Variants in MACROD2 observed in about 807,000 individuals in gnomAD.
The protein encoded by MACROD2 is mono-ADP ribosylhydrolase 2.
MACROD2 carries 36 observed loss-of-function variants against 70.4 expected under a neutral mutation model. That is an observed-to-expected ratio of 0.51 (90% CI 0.39 to 0.68). MACROD2 has a LOEUF of 0.68. Ranked by LOEUF, MACROD2 falls within the 30% of genes least tolerant of loss-of-function variation. The pLI, the probability that MACROD2 is intolerant of heterozygous loss-of-function variation, is 0.00. For synonymous variants in MACROD2, 172 were observed against 178.8 expected, an observed-to-expected ratio of 0.96 and a Z score of 0.30; for missense variants, 496 against 538.4, an observed-to-expected ratio of 0.92 and a Z score of 0.78.
chr20:14,479,840 TAAC>T (rs1239740970), intron 3 of MACROD2, among the ~76,000 whole-genome samples: 1 of 152,170 alleles, frequency 6.6e-6, no homozygotes, highest in Non-Finnish European at 1.5e-5. Flanking sequence ...ATTATAAAAA[TAAC>T]AACATATACT....
intron 10 of MACROD2, among the ~76,000 whole-genome samples, chr20:15,900,753 C>T (rs986162464): frequency 9.9e-5 from 15 of 152,086 alleles, no homozygotes; most frequent in African/African-American, 3.6e-4. Flanking sequence ...ATATATGGAC[C>T]CTCATACCCA....
At chr20:15,064,957 A>G (rs2075562215) in intron 5 of MACROD2, among the ~76,000 whole-genome samples, 1 of 152,204 alleles carries the variant, frequency 6.6e-6, no homozygotes, top group Admixed American at 6.5e-5. Flanking sequence ...CATATCACAT[A>G]AAGTTAAGTG....
At chr20:14,596,824 C>T (rs558017283) in intron 4 of MACROD2, among the ~76,000 whole-genome samples, 10 of 152,162 alleles carry the variant, frequency 6.6e-5, no homozygotes, top group African/African-American at 2.4e-4. Context: ...ATTGTTTTGC[C>T]TTAAGAATCA....
intron 5 of MACROD2, among the ~76,000 whole-genome samples, chr20:15,099,309 G>A (rs1275081980): frequency 6.6e-6 from 1 of 152,184 alleles, no homozygotes; most frequent in African/African-American, 2.4e-5. Context: ...GTTTAGCTGA[G>A]GTTGTGAGGA....
intron 8 of MACROD2, among the ~76,000 whole-genome samples, chr20:15,566,498 C>CA (rs60445779): frequency 0.011 from 1,526 of 138,128 alleles, 16 homozygotes; most frequent in South Asian, 0.064. Flanking sequence ...ACTCTGTCTC[C>CA]AAAAAAAAAA....
chr20:15,194,367 G>A (rs1418171428), intron 5 of MACROD2, among the ~76,000 whole-genome samples: 2 of 148,630 alleles, frequency 1.3e-5, no homozygotes, highest in African/African-American at 4.9e-5. Flanking sequence ...TATTAGTGTT[G>A]TTATGGATGA....
At chr20:15,433,459 C>A (rs914028384) in intron 7 of MACROD2, among the ~76,000 whole-genome samples, 337 of 88,102 alleles carry the variant, frequency 3.8e-3, no homozygotes, top group Non-Finnish European at 3.9e-3. Flanking sequence ...ACAAGAGCTG[C>A]AAAAAAAAAA....
At chr20:15,281,705 T>C (rs1384266430) in intron 6 of MACROD2, among the ~76,000 whole-genome samples, 1 of 152,170 alleles carries the variant, frequency 6.6e-6, no homozygotes, top group Non-Finnish European at 1.5e-5. Context: ...TGGGCTGGCG[T>C]TGAGTGTCTG....
chr20:14,543,124 C>T (rs1464652519), intron 4 of MACROD2, among the ~76,000 whole-genome samples: 1 of 152,124 alleles, frequency 6.6e-6, no homozygotes, highest in East Asian at 1.9e-4. Flanking sequence ...ATTCTCAAGG[C>T]ATACATTCCA....
At chr20:14,406,220 T>G (rs1486068967) in intron 3 of MACROD2, among the ~76,000 whole-genome samples, 4 of 152,176 alleles carry the variant, frequency 2.6e-5, no homozygotes, top group African/African-American at 9.6e-5. Flanking sequence ...ACCTTTTATT[T>G]GCATAAAATA....
intron 5 of MACROD2, among the ~76,000 whole-genome samples, chr20:15,077,614 T>A (rs2075668186): frequency 6.6e-6 from 1 of 152,190 alleles, no homozygotes; most frequent in African/African-American, 2.4e-5. Context: ...AATGGCTGAT[T>A]TCCTCCTCTA....
intron 3 of MACROD2, among the ~76,000 whole-genome samples, chr20:14,212,362 C>A (rs1302979250): frequency 3.9e-5 from 6 of 152,086 alleles, no homozygotes; most frequent in Non-Finnish European, 8.8e-5. Flanking sequence ...GCCTTTGTTA[C>A]TTAAGAGGAA....
chr20:14,648,727 T>G (rs1431891541), intron 4 of MACROD2, among the ~76,000 whole-genome samples: 1 of 152,100 alleles, frequency 6.6e-6, no homozygotes, highest in East Asian at 1.9e-4. Flanking sequence ...TGCAACTTAT[T>G]TAAGAGTATA....
At chr20:14,348,264 G>A (rs1428193093) in intron 3 of MACROD2, among the ~76,000 whole-genome samples, 3 of 57,498 alleles carry the variant, frequency 5.2e-5, no homozygotes, top group African/African-American at 1.2e-4. Flanking sequence ...GCAAGACTCC[G>A]TCTCAAAAAA....
intron 8 of MACROD2, among the ~76,000 whole-genome samples, chr20:15,564,471 C>G (rs1277273225): frequency 6.6e-6 from 1 of 152,172 alleles, no homozygotes; most frequent in African/African-American, 2.4e-5. Flanking sequence ...CTACTACCCA[C>G]TTTGGATCTT....
intron 5 of MACROD2, among the ~76,000 whole-genome samples, chr20:14,955,413 A>G (rs2074527466): frequency 6.7e-6 from 1 of 150,302 alleles, no homozygotes; most frequent in African/African-American, 2.4e-5. Context: ...CTTCTTCTCC[A>G]TGTTTAATGT....
chr20:15,419,429 G>A (rs150933816), intron 6 of MACROD2, among the ~76,000 whole-genome samples: 19 of 152,320 alleles, frequency 1.2e-4, no homozygotes, highest in African/African-American at 4.6e-4. Flanking sequence ...GGAGAAGGAT[G>A]AGGCACCAAC....
intron 3 of MACROD2, among the ~76,000 whole-genome samples, chr20:14,407,428 C>G (rs1336135789): frequency 1.3e-5 from 2 of 151,952 alleles, no homozygotes; most frequent in Admixed American, 6.6e-5. Flanking sequence ...CACTCTCTAT[C>G]TTTTTTGAAA....
At chr20:14,641,423 C>G (rs370036126) in intron 4 of MACROD2, among the ~76,000 whole-genome samples, 3 of 152,210 alleles carry the variant, frequency 2.0e-5, no homozygotes, top group African/African-American at 4.8e-5. Flanking sequence ...TTCCATGAAT[C>G]ACAAATGTTC....
Sources: gnomAD v4.1 joint callset for allele counts (sites outside exome capture counted in the v4.1 genomes callset) on GRCh38, gnomAD v4.1.1 for gene constraint, MANE v1.5 for transcripts, NCBI Gene and HGNC (gene_info 2026-07-23, HGNC 2026-07-21) for gene names.